The following PPP1R12A variants were observed in gnomAD, a reference collection of about 807,000 sequenced individuals.
PPP1R12A encodes the protein myosin binding subunit.
PPP1R12A carries 19 observed loss-of-function variants against 139.6 expected under a neutral mutation model. The ratio of observed to expected loss-of-function variants is 0.14; its 90% CI spans 0.09 to 0.20. The LOEUF is 0.20. Ranked by LOEUF, PPP1R12A falls within the 10% of genes least tolerant of loss-of-function variation. The pLI is 1.00. For missense variants in PPP1R12A, 925 were observed against 1,211.5 expected (o/e 0.76, Z 3.51); for synonymous variants, 427 against 420.6 (o/e 1.02, Z -0.19).
At chr12:79,776,051 T>C in intron 24 of PPP1R12A, 36 bp from the exon 25 acceptor site, 1 of 1,234,874 alleles carries the variant, frequency 8.1e-7, no homozygotes, top group Middle Eastern at 2.0e-4. Flanking sequence ...AGTTTTACCT[T>C]CAATATTAAA....
Position 79,934,888 on chromosome 12 carries a change from T to C in PPP1R12A, c.44A>G (p.Lys15Arg). The change falls in exon 1 of 25, where the codon AAA becomes AGA. Residue 15 changes from lysine (K) to arginine (R), a missense_variant. Coordinates refer to ENST00000450142, the MANE Select transcript of PPP1R12A (RefSeq NM_002480.3). The stretch of plus-strand genomic sequence containing the variant: ...GTCCGTCTCGGAGCCGATCCAGCGT[T>C]TCAGCTGCTCGTTCCGCTTCTGCTT... ...DAKQKRNEQLKRWIGSETDLE... is the reference protein window; with the variant it reads ...DAKQKRNEQLRRWIGSETDLE... 1 of 1,609,346 alleles carries C rather than the reference T, an allele frequency of 6.2e-7. No individual in the cohort carries two copies. The highest frequency in any genetic ancestry group is 8.5e-7 in the Non-Finnish European group (1 of 1,177,898).
intron 1 of PPP1R12A, among the ~76,000 whole-genome samples, chr12:79,890,901 C>CCACCCA (rs201334521): frequency 1.3e-4 from 4 of 30,952 alleles, no homozygotes; most frequent in Non-Finnish European, 2.2e-4. Flanking sequence ...CCACCCACAC[C>CCACCCA]CACCCACACA....
At chr12:79,918,171 A>C (rs949645565) in intron 1 of PPP1R12A, among the ~76,000 whole-genome samples, 1 of 151,972 alleles carries the variant, frequency 6.6e-6, no homozygotes, top group Non-Finnish European at 1.5e-5. Context: ...AAAAAAAAAA[A>C]CATAATCACG....
chr12:79,927,632 A>C (rs978446578), intron 1 of PPP1R12A, among the ~76,000 whole-genome samples: 1 of 152,226 alleles, frequency 6.6e-6, no homozygotes, highest in East Asian at 1.9e-4. Context: ...GGCATAGGGT[A>C]AAGTTTGAGT....
At chr12:79,818,114 T>C (rs530796423) in intron 8 of PPP1R12A, among the ~76,000 whole-genome samples, 1 of 152,262 alleles carries the variant, frequency 6.6e-6, no homozygotes, top group African/African-American at 2.4e-5. Context: ...AAATAATAAG[T>C]GTCCCCATTC....
chr12:79,935,277 C>T (rs571896628), upstream of PPP1R12A: 3 of 1,083,178 alleles, frequency 2.8e-6, no homozygotes, highest in Non-Finnish European at 3.4e-6. Context: ...AAGAGCGCTC[C>T]CGCGAACTGC....
chr12:79,861,643 C>T (rs952117990), intron 2 of PPP1R12A, among the ~76,000 whole-genome samples: 3 of 152,164 alleles, frequency 2.0e-5, no homozygotes, highest in Non-Finnish European at 2.9e-5. Context: ...TTGCAACCAG[C>T]AGACCAAAAG....
intron 1 of PPP1R12A, among the ~76,000 whole-genome samples, chr12:79,908,697 T>C (rs1886319492): frequency 6.6e-6 from 1 of 152,230 alleles, no homozygotes; most frequent in Non-Finnish European, 1.5e-5. Context: ...AATGGAAATA[T>C]AAAATACTAA....
chr12:79,905,688 C>T (rs10862022), intron 1 of PPP1R12A, among the ~76,000 whole-genome samples: 96,268 of 152,170 alleles, frequency 0.63, 37,585 homozygotes, highest in Non-Finnish European at 0.88. Flanking sequence ...GTCTTTGCTT[C>T]ACTCTTAACC....
rs2137017362 is a variant in PPP1R12A, at chr12:79,793,925, C to T, written c.2587G>A (p.Asp863Asn). Residue 863 changes from aspartate to asparagine, a missense_variant, in exon 19 of 25, where the codon GAT becomes AAT. Around this residue, in one of 4 missense-constraint regions of PPP1R12A, gnomAD observed 315 missense variants for 363.4 expected, o/e 0.87. Coordinates refer to ENST00000450142, the MANE Select transcript of PPP1R12A (RefSeq NM_002480.3). ...TGVSFWTQDS[D>N]ENEQEQQSDT... Reference sequence around the variant, plus strand: ...GATTGTTGTTCTTGTTCATTTTCATCACTCTAAAAACAGATTGCCAATTTA... The same window carrying T: ...GATTGTTGTTCTTGTTCATTTTCATTACTCTAAAAACAGATTGCCAATTTA... 2.5e-6 allele frequency: 4 copies of T among 1,587,472 alleles called. No individual in the cohort carries two copies. In the East Asian group the frequency reaches 9.2e-5, roughly 36 times the overall value.
At chr12:79,915,456 T>A (rs1055368371) in intron 1 of PPP1R12A, among the ~76,000 whole-genome samples, 4 of 152,130 alleles carry the variant, frequency 2.6e-5, no homozygotes, top group Admixed American at 2.0e-4. Context: ...GATTTTTTTT[T>A]TAAATCTAGG....
intron 2 of PPP1R12A, among the ~76,000 whole-genome samples, chr12:79,851,344 A>C (rs922996828): frequency 6.6e-6 from 1 of 152,166 alleles, no homozygotes; most frequent in Admixed American, 6.5e-5. Context: ...TTTTCTTTTG[A>C]AAGTTCTGTA....
chr12:79,813,726 T>TA (rs1309701352), intron 9 of PPP1R12A, among the ~76,000 whole-genome samples: 1 of 152,202 alleles, frequency 6.6e-6, no homozygotes, highest in Non-Finnish European at 1.5e-5. Flanking sequence ...AATCATCAGC[T>TA]TGATATTGCT....
intron 1 of PPP1R12A, among the ~76,000 whole-genome samples, chr12:79,892,733 TA>T (rs1236833758): frequency 1.3e-5 from 2 of 150,632 alleles, no homozygotes; most frequent in African/African-American, 5.0e-5. Flanking sequence ...CTTCTGAGAG[TA>T]AAGTTACTTA....
chr12:79,793,653 A>G (rs1366118771), intron 19 of PPP1R12A: 4 of 465,414 alleles, frequency 8.6e-6, no homozygotes, highest in Non-Finnish European at 1.5e-5. Flanking sequence ...ATCAAGACTC[A>G]GAACATTTTC....
chr12:79,873,542 T>C (rs907683055), intron 1 of PPP1R12A, among the ~76,000 whole-genome samples: 2 of 150,944 alleles, frequency 1.3e-5, no homozygotes, highest in Admixed American at 1.3e-4. Flanking sequence ...GGCTCATGCT[T>C]GTAATCCCAT....
chr12:79,894,952 T>C (rs1884999589), intron 1 of PPP1R12A, among the ~76,000 whole-genome samples: 1 of 152,168 alleles, frequency 6.6e-6, no homozygotes, highest in South Asian at 2.1e-4. Flanking sequence ...TCTGCAACTC[T>C]TAATTTGCCA....
chr12:79,885,482 C>A (rs1884020027), intron 1 of PPP1R12A, among the ~76,000 whole-genome samples: 2 of 152,030 alleles, frequency 1.3e-5, no homozygotes, highest in South Asian at 4.1e-4. Flanking sequence ...GTCAAATATT[C>A]CTTTTAGTGC....
chr12:79,866,852 T>A (rs1263629745), intron 2 of PPP1R12A, among the ~76,000 whole-genome samples: 1 of 152,156 alleles, frequency 6.6e-6, no homozygotes, highest in African/African-American at 2.4e-5. Context: ...AAAACAGGAA[T>A]GCTTTTACAC....
Sources: gnomAD v4.1 joint callset for allele counts (sites outside exome capture counted in the v4.1 genomes callset) on GRCh38, gnomAD v4.1.1 for gene constraint, gnomAD v4.1.1 regional missense constraint, MANE v1.5 for transcripts, NCBI Gene and HGNC (gene_info 2026-07-23, HGNC 2026-07-21) for gene names.